Variants in DNAAF8 observed in about 807,000 individuals in gnomAD.
DNAAF8 encodes the protein dynein axonemal-associated protein 1.
In DNAAF8, 61 loss-of-function variants were observed where a neutral mutation model predicts 54.6. The observed-to-expected ratio is 1.12, with a 90% CI of 0.91 to 1.38. The LOEUF (loss-of-function observed/expected upper bound fraction) is 1.38. Ranked by LOEUF, DNAAF8 falls within the 40% of genes most tolerant of loss-of-function variation. The probability of loss-of-function intolerance (pLI) is 0.00; values close to 1 mark genes in which losing one functional copy is unlikely to be tolerated. For missense variants in DNAAF8, 837 were observed against 665.0 expected, an observed-to-expected ratio of 1.26 and a Z score of -2.85; for synonymous variants, 320 against 270.1, an observed-to-expected ratio of 1.18 and a Z score of -1.81.
intron 6 of DNAAF8, 70 bp downstream of exon 6, chr16:4,745,081 G>A (rs1342585158): frequency 1.3e-5 from 20 of 1,547,986 alleles, no homozygotes; most frequent in African/African-American, 8.1e-5. Context: ...AGCACTGACT[G>A]GGCCTACCAA....
chr16:4,741,264 A>G (rs2081958436), intron 4 of DNAAF8, among the ~76,000 whole-genome samples: 1 of 32,584 alleles, frequency 3.1e-5, no homozygotes. Context: ...AAAGAAAGAA[A>G]CAAAGAAAGA....
intron 3 of DNAAF8, among the ~76,000 whole-genome samples, chr16:4,738,155 A>T (rs867405273): frequency 2.6e-5 from 4 of 151,950 alleles, no homozygotes; most frequent in African/African-American, 7.3e-5. Flanking sequence ...TAGGGCTGGC[A>T]TGCACGCTTG....
chr16:4,739,119 G>A (rs570751862), intron 3 of DNAAF8, among the ~76,000 whole-genome samples: 1 of 152,152 alleles, frequency 6.6e-6, no homozygotes, highest in East Asian at 1.9e-4. Context: ...CTAGACCTAG[G>A]TTTGAAATAA....
rs749450977 is a variant in DNAAF8 at position 4,740,367 on chromosome 16, CT to C, written c.492del (p.Trp166GlyfsTer29). 4 of 1,613,522 alleles carry C rather than the reference CT, an allele frequency of 2.5e-6. No individual in the cohort carries two copies. Among genetic ancestry groups the C allele is most frequent in the Non-Finnish European group, 3.4e-6 (4 of 1,179,790 alleles). ...TTCAACACCAAAGGATCCCAGGGTC[CT>C]CCCTGGGACCCACAGGCCGAAGCCA... ...LSFNTKGSQGPPWDPQAEATL... is the reference protein window; with the variant it reads ...LSFNTKGSQGXPWDPQAEATL... On this transcript the variant is annotated frameshift_variant, in exon 4 of 10. Coordinates refer to ENST00000299320, the MANE Select transcript of DNAAF8 (RefSeq NM_139170.3). LOFTEE classifies it high-confidence loss of function.
rs199642499 is a variant in DNAAF8 at position 4,747,405 on chromosome 16, A to G, written c.1343A>G (p.Gln448Arg). 6.2e-7 allele frequency: 1 copy of G among 1,612,750 alleles called. No homozygotes were observed. Among genetic ancestry groups the G allele is most frequent in the African/African-American group, 1.3e-5 (1 of 75,066 alleles). Residue 448 changes from glutamine to arginine, a missense_variant, in exon 9 of 10, where the codon CAG (glutamine) becomes CGG (arginine). Coordinates refer to ENST00000299320, the MANE Select transcript of DNAAF8 (RefSeq NM_139170.3). ...QLRAFQKGTAQPELPASKGPA... is the reference protein window; with the variant it reads ...QLRAFQKGTARPELPASKGPA... The stretch of plus-strand genomic sequence containing the variant: ...AGGGCCTTTCAGAAGGGGACAGCCC[A>G]GCCCGAGCTGCCTGCCAGCAAGGGG...
At position 4,747,935 on chromosome 16, in the gene DNAAF8, T is replaced by C. The variant is rs1030812598; in HGVS notation, c.*9+301T>C. Among the ~76,000 whole-genome samples, 12 of 152,286 alleles carry C rather than the reference T, an allele frequency of 7.9e-5. No homozygotes were observed. The East Asian group carries it at 1.9e-3, about 25-fold the overall frequency. ...CGGGGTGCTGCTCTCTGCGGGACTC[T>C]GAGGCTCTTCATCTTTCTCCAGTTC... On this transcript the variant is annotated intron_variant, in intron 9 of 9. Coordinates refer to ENST00000299320, the MANE Select transcript of DNAAF8 (RefSeq NM_139170.3).
At position 4,740,600 on chromosome 16, in the gene DNAAF8, C is replaced by T. The variant is rs1208656804; in HGVS notation, c.724C>T (p.Pro242Ser). 1 of 1,612,874 alleles carries T rather than the reference C, an allele frequency of 6.2e-7. No homozygotes were observed. The highest frequency in any genetic ancestry group is 1.7e-5 in the Admixed American group (1 of 60,014). The change falls in exon 4 of 10, where the codon CCC (proline) becomes TCC (serine). Residue 242 changes from proline (P) to serine (S), a missense_variant. Transcript: ENST00000299320. ...EAPCHAAESA[P>S]RSKMPLVEPP... ...GCCCTGCCACGCTGCGGAGTCAGCT[C>T]CCAGATCCAAAATGCCCCTCGTGGA... is the stretch of plus-strand genomic sequence containing the variant.
intron 4 of DNAAF8, 41 bp downstream of exon 4, chr16:4,740,700 AC>A (rs1157819710): frequency 6.5e-7 from 1 of 1,527,110 alleles, no homozygotes; most frequent in Non-Finnish European, 8.8e-7. Flanking sequence ...CAGGCCTGTT[AC>A]CTGTGGCATG....
chr16:4,744,738 C>A, intron 5 of DNAAF8, 132 bp from the exon 6 acceptor site: 1 of 1,159,226 alleles, frequency 8.6e-7, no homozygotes, highest in South Asian at 1.5e-5. Flanking sequence ...AGGGAGAGGG[C>A]TGGGCGGGGG....
In DNAAF8 at chr16:4,736,568, C is replaced by T; in HGVS notation, c.54C>T (p.Ser18=). The part of the protein sequence containing the change: ...MAPSLGSPWA[S]QMGPWDAILK... ...CCTCGCTGGGCTCTCCCTGGGCCTC[C>T]CAGATGGGGCCCTGGGATGCCATCC... The change falls in exon 2 of 10, where the codon TCC becomes TCT. Residue 18 remains serine (S), a synonymous_variant. Transcript: ENST00000299320. 2 of 1,589,674 alleles carry T rather than the reference C, an allele frequency of 1.3e-6. No individual in the cohort carries two copies. Among genetic ancestry groups the T allele is most frequent in the South Asian group, 2.3e-5 (2 of 87,752 alleles).
intron 5 of DNAAF8, chr16:4,743,386 G>A: frequency 2.3e-6 from 1 of 431,550 alleles, no homozygotes. Context: ...CAGGTCCTAG[G>A]GACAAAGGAG....
rs572264786 is a variant in DNAAF8 at position 4,737,321 on chromosome 16, A to G, written c.130-479A>G. Among the ~76,000 whole-genome samples, 6 of 152,124 alleles carry G rather than the reference A, an allele frequency of 3.9e-5. No homozygotes were observed. The South Asian group carries it at 1.0e-3, about 26-fold the overall frequency. On this transcript the variant is annotated intron_variant, in intron 2 of 9. Transcript: ENST00000299320. ...ACGAGGCTAAGGAGAACCTAAGGGG[A>G]CCCCACGCCTCAGTGCTCAGGGTGT...
chr16:4,745,796 C>CA (rs2082007449), intron 6 of DNAAF8, among the ~76,000 whole-genome samples: 1 of 151,710 alleles, frequency 6.6e-6, no homozygotes, highest in African/African-American at 2.4e-5. Flanking sequence ...ACTAAAAACA[C>CA]AAAAAAATTT....
At chr16:4,742,736 G>A (rs1484870169) in intron 4 of DNAAF8, among the ~76,000 whole-genome samples, 2 of 151,870 alleles carry the variant, frequency 1.3e-5, no homozygotes, top group Non-Finnish European at 2.9e-5. Context: ...AAAACAAAAT[G>A]AAACAACAAT....
At position 4,740,376 on chromosome 16, in the gene DNAAF8, A is replaced by T. The variant is rs200272886; in HGVS notation, c.500A>T (p.Asp167Val). 7 of 1,613,572 alleles carry T rather than the reference A, an allele frequency of 4.3e-6. No homozygotes were observed. In the African/African-American group the frequency reaches 8.0e-5, roughly 18 times the overall value. Residue 167 changes from aspartate (D) to valine (V), a missense_variant, in exon 4 of 10, where the codon GAC (aspartate) becomes GTC (valine). Asp to Val is a radical substitution (Grantham distance 152, BLOSUM62 -3). Transcript: ENST00000299320. ...AAAGGATCCCAGGGTCCTCCCTGGG[A>T]CCCACAGGCCGAAGCCACTCTCTCC... ...NTKGSQGPPW[D>V]PQAEATLSCH...
rs202150290 is a variant in DNAAF8 at position 4,747,517 on chromosome 16, G to A, written c.1455G>A (p.Gly485=). ...AACACATGAAGCTCTGTGCCAAGGG[G>A]CAGAGCGCCCAGGCTCGACTCCCAA... ...RKQHMKLCAK[G]QSAQARLPRG... The change falls in exon 9 of 10, where the codon GGG becomes GGA. Residue 485 remains glycine, a synonymous_variant. Transcript: ENST00000299320. 134 of 1,613,238 alleles carry A rather than the reference G, an allele frequency of 8.3e-5. No homozygotes were observed. In the East Asian group the frequency reaches 3.0e-3, roughly 36 times the overall value.
chr16:4,738,044 G>C, intron 3 of DNAAF8, 98 bp downstream of exon 3: 1 of 1,381,224 alleles, frequency 7.2e-7, no homozygotes, highest in South Asian at 1.4e-5. Context: ...CGATATGCTA[G>C]AACATGGTCC....
At chr16:4,748,342 C>G (rs2082045666) in intron 9 of DNAAF8, 1 of 151,800 alleles carries the variant, frequency 6.6e-6, no homozygotes, top group Non-Finnish European at 1.5e-5. Flanking sequence ...TGTGAGCTGC[C>G]AGCCTGGCTT....
chr16:4,738,013 A>T (rs2081917608), intron 3 of DNAAF8, 67 bp downstream of exon 3: 1 of 1,534,194 alleles, frequency 6.5e-7, no homozygotes. Context: ...ACTGGTCTAA[A>T]CCACTGTTCT....
Sources: allele counts gnomAD v4.1 joint callset (sites outside exome capture counted in the v4.1 genomes callset), GRCh38; gene constraint gnomAD v4.1.1; transcripts MANE v1.5; gene names NCBI Gene and HGNC (gene_info 2026-07-23, HGNC 2026-07-21).